MYT1: variants seen among roughly 807,000 people sequenced by gnomAD.
The protein encoded by MYT1 is myelin transcription factor 1, also known as myelin transcription factor I.
A neutral mutation model predicts 123.0 loss-of-function variants in MYT1; 23 were observed. The ratio of observed to expected loss-of-function variants is 0.19; its 90% CI spans 0.13 to 0.26. MYT1 has a LOEUF of 0.26. Ranked by LOEUF, MYT1 falls within the 10% of genes least tolerant of loss-of-function variation. The pLI, the probability that MYT1 is intolerant of heterozygous loss-of-function variation, is 1.00. For missense variants in MYT1, 1,125 were observed against 1,472.5 expected, an observed-to-expected ratio of 0.76 and a Z score of 3.86; for synonymous variants, 518 against 575.3, an observed-to-expected ratio of 0.90 and a Z score of 1.43.
chr20:64,197,392 A>T (rs1983154660), intron 2 of MYT1, among the ~76,000 whole-genome samples: 1 of 152,138 alleles, frequency 6.6e-6, no homozygotes, highest in African/African-American at 2.4e-5. Context: ...GCCCCATTTA[A>T]GACGTGGGGG....
At position 64,166,559 on chromosome 20, in the gene MYT1, AG is replaced by A. The variant is rs958159938; in HGVS notation, c.-99+1826del. On this transcript the variant is annotated intron_variant, in intron 1 of 22. Coordinates refer to ENST00000328439, the MANE Select transcript of MYT1 (RefSeq NM_004535.3). The surrounding 1 kb of genome is among the most constrained non-coding windows in gnomAD (Gnocchi z 4.9). ...GTAGCCCTCTTCAGAGACCCGAGGC[AG>A]GGGGGCTGCTTCTGTCCAAAGTGCC... 6.6e-6 allele frequency among the ~76,000 whole-genome samples: 1 copy of A among 152,098 alleles called. No individual in the cohort carries two copies. The highest frequency in any genetic ancestry group is 2.4e-5 in the African/African-American group (1 of 41,418).
rs550373250 is a variant in MYT1 at position 64,194,591 on chromosome 20, G to A, written c.1-4271G>A. 5.9e-5 allele frequency among the ~76,000 whole-genome samples: 9 copies of A among 152,388 alleles called. No individual in the cohort carries two copies. The East Asian group carries it at 1.7e-3, about 29-fold the overall frequency. ...GTGCAGAAGGGATGTGATGGGGGTT[G>A]AGGGAGGAAGCTGTTCAGCTCTGAG... On this transcript the variant is annotated intron_variant, in intron 2 of 22. Coordinates refer to ENST00000328439, the MANE Select transcript of MYT1 (RefSeq NM_004535.3).
Position 64,189,018 on chromosome 20 carries a change from C to T in MYT1, c.-98-1045C>T, listed in dbSNP as rs879305693. Reference sequence around the variant, plus strand: ...TGTGTTTATGCTCTGGAAGGTAATCCGAAGCCCTTTAATGGGATGGAAGCA... The same window carrying T: ...TGTGTTTATGCTCTGGAAGGTAATCTGAAGCCCTTTAATGGGATGGAAGCA... On this transcript the variant is annotated intron_variant, in intron 1 of 22. Transcript: ENST00000328439. The surrounding 1 kb of genome is among the most constrained non-coding windows in gnomAD (Gnocchi z 5.5). Among the ~76,000 whole-genome samples the T allele has an allele frequency of 2.6e-5, 4 of 152,152 alleles. No homozygotes were observed. Among genetic ancestry groups the T allele is most frequent in the African/African-American group, 9.7e-5 (4 of 41,414 alleles).
rs986734756 is a variant in MYT1 at position 64,196,483 on chromosome 20, CAGCCGGCACTGCTGATTTCAAAT to C, written c.1-2375_1-2353del. ...TGGTTTTGTCCAGATGCTTTCGCGT[CAGCCGGCACTGCTGATTTCAAAT>C]AGCTCAGAAACCAGTGTCCCAAGTC... On this transcript the variant is annotated intron_variant, in intron 2 of 22. Transcript: ENST00000328439. The surrounding 1 kb of genome is among the most constrained non-coding windows in gnomAD (Gnocchi z 4.3). Among the ~76,000 whole-genome samples the C allele has an allele frequency of 2.0e-5, 3 of 152,274 alleles. No individual in the cohort carries two copies. Among genetic ancestry groups the C allele is most frequent in the African/African-American group, 7.2e-5 (3 of 41,472 alleles).
chr20:64,223,405 G>C, intron 16 of MYT1, 46 bp downstream of exon 16: 1 of 1,602,048 alleles, frequency 6.2e-7, no homozygotes, highest in Middle Eastern at 1.7e-4. Flanking sequence ...CGGCACCCTC[G>C]CTTTGCTCTC....
In MYT1 at chr20:64,241,171, G is replaced by C. The variant is rs1426903926; in HGVS notation, c.*723G>C. On this transcript the variant is annotated 3_prime_UTR_variant, in exon 23 of 23. Coordinates refer to ENST00000328439, the MANE Select transcript of MYT1 (RefSeq NM_004535.3). The surrounding 1 kb of genome is among the most constrained non-coding windows in gnomAD (Gnocchi z 4.2). ...CTCCCTACTGGGGCTGCAGCCTTTA[G>C]ACCCTGGGTCTGGGATCCACGTCTA... The C allele has an allele frequency of 6.6e-6, 1 of 152,232 alleles. No individual in the cohort carries two copies. The highest frequency in any genetic ancestry group is 2.4e-5 in the African/African-American group (1 of 41,458). 9.4% of individuals were successfully genotyped at this position (152,232 alleles called of 1,614,324 possible). A position where few individuals can be genotyped will look rare whatever the true frequency, so the allele number is the denominator to read the frequency against.
chr20:64,180,634 G>A (rs1403280334), intron 1 of MYT1, among the ~76,000 whole-genome samples: 1 of 152,220 alleles, frequency 6.6e-6, no homozygotes, highest in East Asian at 1.9e-4. Flanking sequence ...CAGGACTTTG[G>A]GGTTCACAGG....
At chr20:64,206,158 G>T (rs1983484806) in intron 6 of MYT1, among the ~76,000 whole-genome samples, 1 of 152,050 alleles carries the variant, frequency 6.6e-6, no homozygotes, top group Non-Finnish European at 1.5e-5. Flanking sequence ...GGGGAAGGGA[G>T]GATCTTAGAC....
intron 12 of MYT1, 115 bp downstream of exon 12, chr20:64,219,150 C>A (rs1983923584): frequency 1.5e-6 from 2 of 1,353,092 alleles, no homozygotes; most frequent in Admixed American, 2.4e-5. Context: ...GCCTAGCTGG[C>A]AATTCTCATT....
rs775905980 is a variant in MYT1 at position 64,198,744 on chromosome 20, C to CAAA, written c.1-116_1-114dup. The CAAA allele has an allele frequency of 1.9e-5, 21 of 1,111,456 alleles. No individual in the cohort carries two copies. The Middle Eastern group carries it at 7.9e-4, about 42-fold the overall frequency. 68.8% of individuals were successfully genotyped at this position (1,111,456 alleles called of 1,614,324 possible). ...GAGCCCATCCTTGTCATTCTGTGCC[C>CAAA]AAAATCACCTTTGCTGTCAAAGCTT... On this transcript the variant is annotated intron_variant, in intron 2 of 22. Transcript: ENST00000328439.
rs968440924 is a variant in MYT1 at position 64,203,806 on chromosome 20, G to T, written c.87-1229G>T. Among the ~76,000 whole-genome samples, 1 of 152,246 alleles carries T rather than the reference G, an allele frequency of 6.6e-6. No homozygotes were observed. The highest frequency in any genetic ancestry group is 1.5e-5 in the Non-Finnish European group (1 of 68,050). ...AGTCGAATTAGAAACGATCAGAGGT[G>T]TCTGGATAGAGACTGGGGATGGCGT... On this transcript the variant is annotated intron_variant, in intron 4 of 22. Coordinates refer to ENST00000328439, the MANE Select transcript of MYT1 (RefSeq NM_004535.3). This position sits in a 1 kb window ranked among gnomAD's most constrained non-coding sequence, Gnocchi z 5.1.
intron 4 of MYT1, 77 bp downstream of exon 4, chr20:64,199,999 G>A (rs1256484912): frequency 1.1e-5 from 17 of 1,565,898 alleles, no homozygotes; most frequent in East Asian, 4.5e-5. Context: ...TGTCCCAAAC[G>A]GGGTCTTCTT....
Position 64,202,346 on chromosome 20 carries a change from C to T in MYT1, c.86+2424C>T, listed in dbSNP as rs1320074462. On this transcript the variant is annotated intron_variant, in intron 4 of 22. Coordinates refer to ENST00000328439, the MANE Select transcript of MYT1 (RefSeq NM_004535.3). This position sits in a 1 kb window ranked among gnomAD's most constrained non-coding sequence, Gnocchi z 5.0. ...TTCACCCCATCGGGAGAACTGATGA[C>T]GTTTCAGCTTGTATTTTTGCCTGGG... 1.3e-5 allele frequency among the ~76,000 whole-genome samples: 2 copies of T among 152,174 alleles called. No individual in the cohort carries two copies. The highest frequency in any genetic ancestry group is 4.8e-5 in the African/African-American group (2 of 41,444).
In MYT1 at chr20:64,208,042, G is replaced by T. The variant is rs138095674; in HGVS notation, c.846G>T (p.Glu282Asp). 1.3e-6 allele frequency: 2 copies of T among 1,596,068 alleles called. No individual in the cohort carries two copies. Among genetic ancestry groups the T allele is most frequent in the East Asian group, 2.3e-5 (1 of 44,278 alleles). Residue 282 changes from glutamate (E) to aspartate (D), a missense_variant, in exon 7 of 23, where the codon GAG (glutamate) becomes GAT (aspartate). Glu to Asp is a conservative substitution (Grantham distance 45). Around this residue, in one of 4 missense-constraint regions of MYT1, gnomAD observed 406 missense variants for 432.2 expected, o/e 0.94. Transcript: ENST00000328439. The surrounding 1 kb of genome is among the most constrained non-coding windows in gnomAD (Gnocchi z 5.4). ...ATGAAGAAGAGGAAGAGGAAGAGGA[G>T]GAGGAAGAGGAAGAGGAGGAGGAGG... is the stretch of plus-strand genomic sequence containing the variant. ...EEDEEEEEEE[E>D]EEEEEEEEEE... is the part of the protein sequence containing the mutation.
chr20:64,195,079 A>T (rs1983070022), intron 2 of MYT1, among the ~76,000 whole-genome samples: 1 of 151,716 alleles, frequency 6.6e-6, no homozygotes, highest in Admixed American at 6.6e-5. Flanking sequence ...TATTTTTAGT[A>T]GAGTCAGGTT....
intron 5 of MYT1, 135 bp from the exon 6 acceptor site, chr20:64,205,418 C>T: frequency 5.8e-6 from 8 of 1,384,346 alleles, no homozygotes; most frequent in Non-Finnish European, 7.8e-6. Context: ...CTTTTTTTGT[C>T]CGGGTTCCCT....
In MYT1 at chr20:64,241,382, AT is replaced by A. The variant is rs1984713369; in HGVS notation, c.*935del. ...TTCACTTCTTTTAGATCCATCCAAT[AT>A]GCGAAAAAAGGGTACATTTTAATTT... On this transcript the variant is annotated 3_prime_UTR_variant, in exon 23 of 23. Coordinates refer to ENST00000328439, the MANE Select transcript of MYT1 (RefSeq NM_004535.3). The surrounding 1 kb of genome is among the most constrained non-coding windows in gnomAD (Gnocchi z 4.2). The A allele has an allele frequency of 6.6e-6, 1 of 152,488 alleles. No homozygotes were observed. The highest frequency in any genetic ancestry group is 1.5e-5 in the Non-Finnish European group (1 of 68,040). The allele number at this position is 152,488 out of a possible 1,614,324, so 9.4% of individuals were successfully genotyped here. A position where few individuals can be genotyped will look rare whatever the true frequency, so the allele number is the denominator to read the frequency against.
intron 2 of MYT1, among the ~76,000 whole-genome samples, chr20:64,198,286 C>CAAAAAAAAAAAAAAAAAAAA (rs34822167): frequency 8.4e-5 from 2 of 23,818 alleles, no homozygotes; most frequent in African/African-American, 2.2e-4. Flanking sequence ...GACTCCGTCT[C>CAAAAAAAAAAAAAAAAAAAA]AAAAAAAAAA....
rs540313163 is a variant in MYT1 at position 64,166,124 on chromosome 20, G to A, written c.-99+1385G>A. Among the ~76,000 whole-genome samples the A allele has an allele frequency of 1.3e-5, 2 of 152,132 alleles. No individual in the cohort carries two copies. The highest frequency in any genetic ancestry group is 2.4e-5 in the African/African-American group (1 of 41,412). ...CCATTGGTCCTTGGCTGTGATTATC[G>A]CCTCCTTCCATATGGCCCTGTTAAT... is the stretch of plus-strand genomic sequence containing the variant. On this transcript the variant is annotated intron_variant, in intron 1 of 22. Transcript: ENST00000328439. This position sits in a 1 kb window ranked among gnomAD's most constrained non-coding sequence, Gnocchi z 4.9.
Sources: allele counts gnomAD v4.1 joint callset (sites outside exome capture counted in the v4.1 genomes callset), GRCh38; gene constraint gnomAD v4.1.1; regional missense constraint gnomAD v4.1.1; non-coding constraint Gnocchi (gnomAD v3.1); transcripts MANE v1.5; gene names NCBI Gene and HGNC (gene_info 2026-07-23, HGNC 2026-07-21).